The following GABRP variants were observed in gnomAD, a reference collection of about 807,000 sequenced individuals.
The protein encoded by GABRP is gamma-aminobutyric acid type A receptor subunit pi.
In GABRP, 52 loss-of-function variants were observed where a neutral mutation model predicts 47.8. The ratio of observed to expected loss-of-function variants is 1.09; its 90% CI spans 0.87 to 1.37. The LOEUF is 1.37. GABRP is among the 40% of genes most tolerant of loss of function. The pLI is 0.00. For missense variants in GABRP, 525 were observed against 542.8 expected (o/e 0.97, Z 0.33); for synonymous variants, 221 against 205.8 (o/e 1.07, Z -0.63).
rs1765906350 is a variant in GABRP at position 170,812,121 on chromosome 5, C to T, written c.1186C>T (p.Arg396Ter). Residue 396 changes from arginine to a stop codon, truncating the protein, a stop_gained, in exon 10 of 10, where the codon CGA becomes TGA. Transcript: ENST00000265294. LOFTEE classifies it high-confidence loss of function. ...KTSDKFKFVF[R>*]EKMGRIVDYF... Reference sequence around the variant, plus strand: ...CAGCGACAAGTTCAAGTTTGTCTTCCGAGAAAAGATGGGCAGGATTGTTGA... The same window carrying T: ...CAGCGACAAGTTCAAGTTTGTCTTCTGAGAAAAGATGGGCAGGATTGTTGA... 7.4e-6 allele frequency: 12 copies of T among 1,614,064 alleles called. No homozygotes were observed. Among genetic ancestry groups the T allele is most frequent in the South Asian group, 3.3e-5 (3 of 91,078 alleles).
chr5:170,791,680 C>A (rs898683872), intron 3 of GABRP, among the ~76,000 whole-genome samples: 2 of 136,546 alleles, frequency 1.5e-5, no homozygotes, highest in Non-Finnish European at 3.1e-5. Context: ...GTGGAGCTCT[C>A]GTGTCTTTTC....
At chr5:170,809,925 G>GA (rs1459973700) in intron 9 of GABRP, 170 bp downstream of exon 9, 22 of 710,406 alleles carry the variant, frequency 3.1e-5, no homozygotes, top group Admixed American at 4.1e-5. Flanking sequence ...GGTGCCCCTT[G>GA]AAAAAGACCA....
intron 1 of GABRP, 77 bp from the exon 2 acceptor site, chr5:170,788,497 C>T: frequency 1.1e-6 from 1 of 950,642 alleles, no homozygotes; most frequent in Non-Finnish European, 1.7e-6. Context: ...ACCGACCACC[C>T]ACCAGAGAGA....
rs115281050 is a variant in GABRP at position 170,803,889 on chromosome 5, A to G, written c.542-1827A>G. ...CCTCCCAGGTGCAAGTGATTCTCCT[A>G]TCTCAGCCTCCCAAGTAGCTGGCAT... is the stretch of plus-strand genomic sequence containing the variant. On this transcript the variant is annotated intron_variant, in intron 6 of 9. Coordinates refer to ENST00000265294, the MANE Select transcript of GABRP (RefSeq NM_014211.3). Among the ~76,000 whole-genome samples, 1,405 of 151,998 alleles carry G rather than the reference A, an allele frequency of 9.2e-3. 26 individuals carry two copies. Among genetic ancestry groups the G allele is most frequent in the African/African-American group, 0.033 (1,350 of 41,434 alleles).
At position 170,795,301 on chromosome 5, in the gene GABRP, G is replaced by A. The variant is rs756793352; in HGVS notation, c.334G>A (p.Val112Met). The part of the protein sequence containing the change: ...NKSFTLDARL[V>M]EFLWVPDTYI... ...GAGCTTCACTCTGGATGCCCGCCTC[G>A]TGGAGTTCCTCTGGGTGCCAGATAC... is the stretch of plus-strand genomic sequence containing the variant. Residue 112 changes from valine (V) to methionine (M), a missense_variant, in exon 5 of 10, where the codon GTG becomes ATG. Coordinates refer to ENST00000265294, the MANE Select transcript of GABRP (RefSeq NM_014211.3). 1.8e-5 allele frequency: 29 copies of A among 1,613,818 alleles called. No homozygotes were observed. Among genetic ancestry groups the A allele is most frequent in the South Asian group, 1.8e-4 (16 of 91,064 alleles).
chr5:170,786,572 T>A (rs1765136245), intron 1 of GABRP, among the ~76,000 whole-genome samples: 3 of 152,160 alleles, frequency 2.0e-5, no homozygotes, highest in South Asian at 4.1e-4. Flanking sequence ...CAAAACAGCA[T>A]GTTTCATGGT....
rs770190784 is a variant in GABRP at position 170,794,287 on chromosome 5, G to T, written c.229G>T (p.Glu77Ter). 6.2e-7 allele frequency: 1 copy of T among 1,607,258 alleles called. No homozygotes were observed. The highest frequency in any genetic ancestry group is 1.1e-5 in the South Asian group (1 of 90,864). Reference protein sequence around the residue: ...LDIASISSISESNMDYTATIY... With the variant: ...LDIASISSIS ...CATTGCAAGTATCTCTAGCATTTCA[G>T]AGAGTAACATGGTAAGCGCTGTTCC... The change falls in exon 4 of 10, where the codon GAG becomes TAG. Residue 77 changes from glutamate (E) to a stop codon, truncating the protein, a stop_gained. Transcript: ENST00000265294. LOFTEE classifies it high-confidence loss of function.
chr5:170,794,143 A>G (rs1765356190), intron 3 of GABRP, 88 bp from the exon 4 acceptor site: 2 of 797,670 alleles, frequency 2.5e-6, no homozygotes. Flanking sequence ...CAACTTTTGT[A>G]ATTTTAATCT....
chr5:170,808,791 A>G, intron 8 of GABRP, 39 bp downstream of exon 8: 3 of 1,588,510 alleles, frequency 1.9e-6, no homozygotes, highest in Non-Finnish European at 1.7e-6. Flanking sequence ...GAACTGGCTT[A>G]TCAGGTTACT....
At chr5:170,794,174 A>T (rs1581593349) in intron 3 of GABRP, 57 bp from the exon 4 acceptor site, 1 of 1,100,086 alleles carries the variant, frequency 9.1e-7, no homozygotes, top group Non-Finnish European at 1.3e-6. Flanking sequence ...GCACTAATAT[A>T]GTATTAAGAC....
intron 6 of GABRP, among the ~76,000 whole-genome samples, chr5:170,799,329 A>T (rs1180159049): frequency 6.6e-6 from 1 of 152,148 alleles, no homozygotes; most frequent in Admixed American, 6.5e-5. Flanking sequence ...TGGTATTTCT[A>T]GTTCTAGATC....
chr5:170,800,788 A>C (rs1436189017), intron 6 of GABRP, among the ~76,000 whole-genome samples: 1 of 152,140 alleles, frequency 6.6e-6, no homozygotes, highest in Non-Finnish European at 1.5e-5. Flanking sequence ...TCTACTAAAA[A>C]TACAAAAATT....
In GABRP at chr5:170,795,420, C is replaced by T. The variant is rs752214918; in HGVS notation, c.453C>T (p.Ala151=). Residue 151 remains alanine (A), a synonymous_variant, in exon 5 of 10, where the codon GCC becomes GCT. Transcript: ENST00000265294. ...TCTCCAATGGCACGGTCCTGTATGC[C>T]CTCAGGTACGCGGACACCTGTGACC... ...RLFSNGTVLY[A]LRITTTVACN... is the part of the protein sequence containing the mutation. 2.6e-5 allele frequency: 42 copies of T among 1,613,692 alleles called. No individual in the cohort carries two copies. The highest frequency in any genetic ancestry group is 3.4e-5 in the Non-Finnish European group (40 of 1,179,708).
At chr5:170,801,292 T>C (rs1461243063) in intron 6 of GABRP, among the ~76,000 whole-genome samples, 1 of 152,186 alleles carries the variant, frequency 6.6e-6, no homozygotes, top group African/African-American at 2.4e-5. Context: ...TGCTTATTTT[T>C]CCTGAGTATA....
chr5:170,792,452 AAGAAAG>A (rs1176287750), intron 3 of GABRP, among the ~76,000 whole-genome samples: 1 of 150,156 alleles, frequency 6.7e-6, no homozygotes, highest in African/African-American at 2.5e-5. Flanking sequence ...CAAAAAAAAA[AAGAAAG>A]AAAGAAAGAC....
intron 7 of GABRP, among the ~76,000 whole-genome samples, chr5:170,807,783 T>C (rs1435955130): frequency 6.6e-6 from 1 of 152,216 alleles, no homozygotes; most frequent in Non-Finnish European, 1.5e-5. Context: ...TTTTTAATGG[T>C]ATAATTTCTC....
intron 5 of GABRP, 48 bp from the exon 6 acceptor site, chr5:170,797,418 C>A: frequency 8.3e-7 from 1 of 1,206,130 alleles, no homozygotes; most frequent in Non-Finnish European, 1.2e-6. Flanking sequence ...TGTGAACTTT[C>A]TATAACTTCC....
intron 7 of GABRP, among the ~76,000 whole-genome samples, chr5:170,808,099 C>T (rs908652077): frequency 6.6e-6 from 1 of 152,184 alleles, no homozygotes; most frequent in African/African-American, 2.4e-5. Flanking sequence ...GAATACACTG[C>T]TAGATTCCCT....
At chr5:170,802,912 G>GT (rs1238682318) in intron 6 of GABRP, among the ~76,000 whole-genome samples, 1 of 152,256 alleles carries the variant, frequency 6.6e-6, no homozygotes, top group South Asian at 2.1e-4. Context: ...CTCACTATGG[G>GT]TTTTTTTCTA....
Sources: gnomAD v4.1 joint callset for allele counts (sites outside exome capture counted in the v4.1 genomes callset) on GRCh38, gnomAD v4.1.1 for gene constraint, MANE v1.5 for transcripts, NCBI Gene and HGNC (gene_info 2026-07-23, HGNC 2026-07-21) for gene names.